AKAP13: variants seen among roughly 807,000 people sequenced by gnomAD.
The protein encoded by AKAP13 is A-kinase anchor protein 13.
Under a neutral mutation model 264.5 loss-of-function variants are expected in AKAP13, and 80 were observed. The ratio of observed to expected loss-of-function variants is 0.30; its 90% CI spans 0.25 to 0.36. The LOEUF (loss-of-function observed/expected upper bound fraction) is 0.36. Among genes scored for constraint, AKAP13 ranks in the 10% least tolerant of loss-of-function variants. AKAP13 has a pLI of 1.00. For synonymous variants in AKAP13, 1,380 were observed against 1,250.2 expected (o/e 1.10, Z -2.19); for missense variants, 3,712 against 3,435.2 (o/e 1.08, Z -2.01).
At chr15:85,595,625 A>G (rs1388873442) in intron 8 of AKAP13, among the ~76,000 whole-genome samples, 2 of 152,236 alleles carry the variant, frequency 1.3e-5, no homozygotes, top group Non-Finnish European at 2.9e-5. Flanking sequence ...GGTGAGACCC[A>G]TGTTGTACCA....
At chr15:85,669,895 T>G (rs2083820192) in intron 14 of AKAP13, 65 bp downstream of exon 14, 1 of 1,297,738 alleles carries the variant, frequency 7.7e-7, no homozygotes, top group Non-Finnish European at 1.1e-6. Context: ...CTATTATTTT[T>G]CTCACTTTAA....
Position 85,682,142 on chromosome 15 carries a change from C to G in AKAP13, c.5102-16C>G, listed in dbSNP as rs749732130. ...AAATTTTTTGGTTCTAACTTTTTTT[C>G]TGCCTTGTTTTCTAGATTCACGGCC... On this transcript the variant is annotated splice_polypyrimidine_tract_variant and intron_variant, in intron 14 of 36. Transcript: ENST00000394518. 2 of 1,612,798 alleles carry G rather than the reference C, an allele frequency of 1.2e-6. No individual in the cohort carries two copies. The highest frequency in any genetic ancestry group is 2.2e-5 in the South Asian group (2 of 90,994).
chr15:85,453,479 G>T (rs1185848865), intron 1 of AKAP13, among the ~76,000 whole-genome samples: 1 of 152,216 alleles, frequency 6.6e-6, no homozygotes. Flanking sequence ...AGCAAAGATG[G>T]CTGCCTGTCC....
intron 10 of AKAP13, among the ~76,000 whole-genome samples, chr15:85,652,658 C>T (rs2082908768): frequency 6.6e-6 from 1 of 152,156 alleles, no homozygotes; most frequent in South Asian, 2.1e-4. Flanking sequence ...CTTACTTGGT[C>T]CCAGTTCTGG....
chr15:85,618,962 G>A (rs1241594157), intron 8 of AKAP13, among the ~76,000 whole-genome samples: 1 of 152,094 alleles, frequency 6.6e-6, no homozygotes, highest in Non-Finnish European at 1.5e-5. Flanking sequence ...TTAAATCATT[G>A]CTTTGCATTT....
At chr15:85,524,355 T>C (rs1371675789) in intron 3 of AKAP13, among the ~76,000 whole-genome samples, 1 of 152,012 alleles carries the variant, frequency 6.6e-6, no homozygotes, top group Non-Finnish European at 1.5e-5. Context: ...TTTGTATTTT[T>C]AGTAGAGATG....
intron 8 of AKAP13, among the ~76,000 whole-genome samples, chr15:85,593,434 CT>C (rs1233029444): frequency 6.6e-6 from 1 of 151,794 alleles, no homozygotes; most frequent in Non-Finnish European, 1.5e-5. Context: ...GAGACAGGGT[CT>C]TGCTATGTTG....
rs12439807 is a variant in AKAP13, at chr15:85,581,848, C to T, written c.3780C>T (p.Ile1260=). 3.1e-3 allele frequency: 5,073 copies of T among 1,614,176 alleles called. 125 individuals are homozygous for T. The East Asian group carries it at 0.051, about 16-fold the overall frequency. Residue 1260 remains isoleucine, a synonymous_variant, in exon 7 of 37, where the codon ATC becomes ATT. Transcript: ENST00000394518. The part of the protein sequence containing the change: ...EAASRIVDAV[I]EQVKAAGALL... ...CCAGCCGTATAGTGGATGCTGTCATCGAACAAGTCAAGGCCGCTGGAGCAC... is the reference window on the plus strand; with the variant it reads ...CCAGCCGTATAGTGGATGCTGTCATTGAACAAGTCAAGGCCGCTGGAGCAC...
At chr15:85,381,581 A>G (rs1595987544) in intron 1 of AKAP13, 1 of 138,486 alleles carries the variant, frequency 7.2e-6, no homozygotes, top group African/African-American at 2.7e-5. Flanking sequence ...AAAAGGAAAA[A>G]CCCTAAAACT....
Position 85,575,335 on chromosome 15 carries a change from T to G in AKAP13, c.861+6T>G. On this transcript the variant is annotated splice_donor_region_variant and intron_variant, in intron 6 of 36. Transcript: ENST00000394518. ...ACATCCAACAGCAACTAATGGTAAG[T>G]CAGAAAGCTTTTATTTTTAAGTATA... 4 of 1,613,542 alleles carry G rather than the reference T, an allele frequency of 2.5e-6. No individual in the cohort carries two copies. Among genetic ancestry groups the G allele is most frequent in the Non-Finnish European group, 3.4e-6 (4 of 1,179,486 alleles).
At chr15:85,529,102 CT>C (rs1271276232) in intron 3 of AKAP13, among the ~76,000 whole-genome samples, 1 of 152,158 alleles carries the variant, frequency 6.6e-6, no homozygotes, top group Non-Finnish European at 1.5e-5. Flanking sequence ...ATCCCCATGT[CT>C]TTGCAGTGTA....
At chr15:85,521,358 T>C in intron 2 of AKAP13, 70 bp from the exon 3 acceptor site, 1 of 1,541,102 alleles carries the variant, frequency 6.5e-7, no homozygotes, top group Non-Finnish European at 8.9e-7. Flanking sequence ...TTAAATATGA[T>C]GTTTGATAAA....
chr15:85,391,869 C>G (rs1343174128), intron 1 of AKAP13, among the ~76,000 whole-genome samples: 2 of 151,914 alleles, frequency 1.3e-5, no homozygotes, highest in African/African-American at 4.8e-5. Flanking sequence ...ACTGCAACCT[C>G]CGTCTCCCAG....
intron 1 of AKAP13, among the ~76,000 whole-genome samples, chr15:85,418,651 C>T (rs1185613207): frequency 6.6e-6 from 1 of 152,156 alleles, no homozygotes; most frequent in African/African-American, 2.4e-5. Context: ...TCAGTCATGA[C>T]AAAAAGTGAT....
intron 3 of AKAP13, among the ~76,000 whole-genome samples, chr15:85,528,804 C>T (rs548334067): frequency 3.9e-5 from 6 of 152,266 alleles, no homozygotes; most frequent in Admixed American, 1.3e-4. Context: ...ATTTAAAATA[C>T]GGAATTAAAG....
chr15:85,401,523 A>C (rs1367610554), intron 1 of AKAP13, among the ~76,000 whole-genome samples: 3 of 152,224 alleles, frequency 2.0e-5, no homozygotes, highest in African/African-American at 7.2e-5. Context: ...GAAGTGTGCC[A>C]TTCTGCTTTT....
chr15:85,559,562 C>G (rs1250052696), intron 5 of AKAP13, among the ~76,000 whole-genome samples: 1 of 152,104 alleles, frequency 6.6e-6, no homozygotes, highest in East Asian at 1.9e-4. Flanking sequence ...GCTTGTTTTC[C>G]TGCAGCTAAA....
At chr15:85,426,214 CTT>C (rs1156541923) in intron 1 of AKAP13, among the ~76,000 whole-genome samples, 2 of 152,174 alleles carry the variant, frequency 1.3e-5, no homozygotes, top group Non-Finnish European at 2.9e-5. Flanking sequence ...GGGTCCCTCA[CTT>C]AGTCTAAATG....
chr15:85,630,178 C>T (rs1195264317), intron 8 of AKAP13, among the ~76,000 whole-genome samples: 13 of 72,720 alleles, frequency 1.8e-4, no homozygotes, highest in South Asian at 8.8e-4. Context: ...CACACACACA[C>T]ACACACACAC....
Sources: allele counts gnomAD v4.1 joint callset (sites outside exome capture counted in the v4.1 genomes callset), GRCh38; gene constraint gnomAD v4.1.1; transcripts MANE v1.5; gene names NCBI Gene and HGNC (gene_info 2026-07-23, HGNC 2026-07-21).